GATA4: variants seen among roughly 807,000 people sequenced by gnomAD.
GATA4 encodes transcription factor GATA-4.
GATA4 carries 7 observed loss-of-function variants against 37.9 expected under a neutral mutation model. The observed-to-expected ratio is 0.18, with a 90% CI of 0.11 to 0.35. The LOEUF (loss-of-function observed/expected upper bound fraction) is 0.35, where lower values mean the gene tolerates loss of function less well. GATA4 is among the 10% of genes least tolerant of loss of function. The probability of loss-of-function intolerance (pLI) is 1.00; values close to 1 mark genes in which losing one functional copy is unlikely to be tolerated. For missense variants in GATA4, 647 were observed against 653.0 expected (o/e 0.99, Z 0.10); for synonymous variants, 372 against 292.6 (o/e 1.27, Z -2.77).
rs1802490942 is a variant in GATA4, at chr8:11,755,128, C to T, written c.995C>T (p.Pro332Leu). 6.2e-7 allele frequency: 1 copy of T among 1,612,092 alleles called. No individual in the cohort carries two copies. Among genetic ancestry groups the T allele is most frequent in the Non-Finnish European group, 8.5e-7 (1 of 1,178,376 alleles). Residue 332 changes from proline to leucine, a missense_variant, in exon 5 of 7, where the codon CCA becomes CTA. Physicochemically the swap from Pro to Leu is moderately conservative, Grantham distance 98. Coordinates refer to ENST00000532059, the MANE Select transcript of GATA4 (RefSeq NM_001308093.3). The stretch of plus-strand genomic sequence containing the variant: ...AAGAACCTGAATAAATCTAAGACAC[C>T]AGCAGGTGAGGAAAAGATCTGTGAG... ...KPKNLNKSKT[P>L]AAPSGSESLP... is the part of the protein sequence containing the mutation.
At position 11,707,652 on chromosome 8, in the gene GATA4, C is replaced by G. The variant is rs1437411194; in HGVS notation, c.-457-204C>G. On this transcript the variant is annotated intron_variant, in intron 1 of 6. Transcript: ENST00000532059. The surrounding 1 kb of genome is among the most constrained non-coding windows in gnomAD (Gnocchi z 4.7). ...CCCTGGTCCCTGGGGCGCCTCTCCCCAGGCTTGCCTGGGCCGCCTGACCCA... is the reference window on the plus strand; with the variant it reads ...CCCTGGTCCCTGGGGCGCCTCTCCCGAGGCTTGCCTGGGCCGCCTGACCCA... Among the ~76,000 whole-genome samples, 1 of 152,190 alleles carries G rather than the reference C, an allele frequency of 6.6e-6. No homozygotes were observed. Among genetic ancestry groups the G allele is most frequent in the Non-Finnish European group, 1.5e-5 (1 of 68,024 alleles).
upstream of GATA4, chr8:11,700,670 G>A (rs945449189): frequency 6.6e-6 from 1 of 152,296 alleles, no homozygotes; most frequent in African/African-American, 2.4e-5. Context: ...CGTGTTGCAG[G>A]ACTCGGCATT....
chr8:11,758,272 C>G (rs201193206), intron 6 of GATA4, 21 bp from the exon 7 acceptor site: 11 of 1,613,830 alleles, frequency 6.8e-6, no homozygotes, highest in Non-Finnish European at 9.3e-6. Flanking sequence ...TGGGCCTCAT[C>G]GTGTGCTTTC....
chr8:11,683,474 A>T (rs1442223251), intron 1 of GATA4, among the ~76,000 whole-genome samples: 1 of 152,128 alleles, frequency 6.6e-6, no homozygotes, highest in African/African-American at 2.4e-5. Context: ...ACATTGTCTC[A>T]TTCAAACTCA....
chr8:11,701,559 G>A (rs80161646), upstream of GATA4, among the ~76,000 whole-genome samples: 268 of 152,294 alleles, frequency 1.8e-3, 1 homozygote, highest in African/African-American at 6.1e-3. Context: ...CCAACCTGCA[G>A]GCTCCCGCTT....
Position 11,683,272 on chromosome 8 carries a change from G to T in GATA4, c.-274+6209G>T, listed in dbSNP as rs113582509. Among the ~76,000 whole-genome samples the T allele has an allele frequency of 4.6e-3, 695 of 152,344 alleles. 6 individuals carry two copies. Among genetic ancestry groups the T allele is most frequent in the Middle Eastern group, 0.017 (5 of 294 alleles). ...GGCGTGCTCCACCTGGCCCTGGGAG[G>T]CGCAGAGCTGCCCCACAGGTGGCAG... On this transcript the variant is annotated intron_variant, in intron 1 of 6. Transcript: ENST00000528712.
In GATA4 at chr8:11,750,044, C is replaced by T. The variant is rs1802222292; in HGVS notation, c.787-67C>T. 3 of 1,611,396 alleles carry T rather than the reference C, an allele frequency of 1.9e-6. No homozygotes were observed. In the East Asian group the frequency reaches 6.7e-5, roughly 36 times the overall value. On this transcript the variant is annotated intron_variant, in intron 3 of 6. Transcript: ENST00000532059. ...TTAGGGAGGCCCAGCTCCGCAGCCA[C>T]ACGCGAGGTGGAAGGGCAGTGCACA...
chr8:11,687,753 T>C (rs1256370457), upstream of GATA4, among the ~76,000 whole-genome samples: 1 of 152,164 alleles, frequency 6.6e-6, no homozygotes, highest in Non-Finnish European at 1.5e-5. Context: ...GGAGATTGTC[T>C]ACATGAGCTG....
intron 1 of GATA4, among the ~76,000 whole-genome samples, chr8:11,705,324 C>T (rs1440893102): frequency 6.6e-6 from 1 of 152,222 alleles, no homozygotes; most frequent in Non-Finnish European, 1.5e-5. Context: ...GTCTCCTCCC[C>T]TGCTGCGGCC....
chr8:11,690,637 G>C (rs1391694655), upstream of GATA4, among the ~76,000 whole-genome samples: 1 of 152,170 alleles, frequency 6.6e-6, no homozygotes, highest in Admixed American at 6.5e-5. Flanking sequence ...AAGCAAGAGG[G>C]CAGTGAGAGG....
chr8:11,728,325 AT>A (rs1352133317), intron 2 of GATA4, among the ~76,000 whole-genome samples: 12 of 152,262 alleles, frequency 7.9e-5, no homozygotes, highest in East Asian at 5.8e-4. Context: ...AATAAATGCT[AT>A]TATCATTAAA....
rs763895652 is a variant in GATA4 at position 11,708,869 on chromosome 8, G to C, written c.557G>C (p.Ser186Thr). The part of the protein sequence containing the change: ...AAAASAGPFD[S>T]PVLHSLPGRA... The stretch of plus-strand genomic sequence containing the variant: ...GCCGCCTCCGCCGGCCCCTTCGACA[G>C]CCCGGTCCTGCACAGCCTGCCCGGC... The change falls in exon 2 of 7, where the codon AGC becomes ACC. Residue 186 changes from serine to threonine, a missense_variant. Coordinates refer to ENST00000532059, the MANE Select transcript of GATA4 (RefSeq NM_001308093.3). This position sits in a 1 kb window ranked among gnomAD's most constrained non-coding sequence, Gnocchi z 6.7. 8 of 1,516,890 alleles carry C rather than the reference G, an allele frequency of 5.3e-6. No individual in the cohort carries two copies. In the South Asian group the frequency reaches 9.7e-5, roughly 18 times the overall value. 94.0% of individuals were successfully genotyped at this position (1,516,890 alleles called of 1,614,324 possible). A position where few individuals can be genotyped will look rare whatever the true frequency, so the allele number is the denominator to read the frequency against.
chr8:11,690,635 G>C (rs778419664), upstream of GATA4, among the ~76,000 whole-genome samples: 7 of 152,288 alleles, frequency 4.6e-5, no homozygotes, highest in East Asian at 1.9e-4. Flanking sequence ...TTAAGCAAGA[G>C]GGCAGTGAGA....
At chr8:11,740,350 T>C (rs539482472) in intron 2 of GATA4, among the ~76,000 whole-genome samples, 2 of 152,312 alleles carry the variant, frequency 1.3e-5, no homozygotes, top group African/African-American at 4.8e-5. Flanking sequence ...GCTTTCAGAA[T>C]AATTAGTAAT....
rs56294240 is a variant in GATA4 at position 11,746,980 on chromosome 8, C to A, written c.617-1936C>A. Among the ~76,000 whole-genome samples, 560 of 152,362 alleles carry A rather than the reference C, an allele frequency of 3.7e-3. 1 individual carries two copies. Among genetic ancestry groups the A allele is most frequent in the South Asian group, 0.015 (72 of 4,828 alleles). Reference sequence around the variant, plus strand: ...TGTGGGGAGGGCCCCCCACCATCCTCTTCTCTGGCCCACATTCCCCTAGAG... The same window carrying A: ...TGTGGGGAGGGCCCCCCACCATCCTATTCTCTGGCCCACATTCCCCTAGAG... On this transcript the variant is annotated intron_variant, in intron 2 of 6. Transcript: ENST00000532059.
intron 2 of GATA4, among the ~76,000 whole-genome samples, chr8:11,711,331 C>T (rs919948782): frequency 1.3e-5 from 2 of 152,154 alleles, no homozygotes; most frequent in Non-Finnish European, 2.9e-5. Flanking sequence ...TGAATCTGGC[C>T]TAGAGGGTGG....
chr8:11,746,158 G>A (rs1245719237), intron 2 of GATA4, among the ~76,000 whole-genome samples: 2 of 151,688 alleles, frequency 1.3e-5, no homozygotes, highest in Admixed American at 6.6e-5. Context: ...GTGGTCCCAG[G>A]TTCTAAGGAA....
At chr8:11,746,270 T>C (rs756625166) in intron 2 of GATA4, among the ~76,000 whole-genome samples, 20 of 151,888 alleles carry the variant, frequency 1.3e-4, no homozygotes, top group African/African-American at 1.9e-4. Context: ...TAAAATAGAC[T>C]GAGGCAGGAG....
At chr8:11,681,002 A>C (rs951242547) in intron 1 of GATA4, 4 of 948,526 alleles carry the variant, frequency 4.2e-6, no homozygotes, top group Non-Finnish European at 5.0e-6. Flanking sequence ...GAGACCCCGC[A>C]CCCCCGAATC....
Sources: gnomAD v4.1 joint callset for allele counts (sites outside exome capture counted in the v4.1 genomes callset) on GRCh38, gnomAD v4.1.1 for gene constraint, Gnocchi (gnomAD v3.1) non-coding constraint, MANE v1.5 for transcripts, NCBI Gene and HGNC (gene_info 2026-07-23, HGNC 2026-07-21) for gene names.